AKAP7: variants seen among roughly 807,000 people sequenced by gnomAD.
AKAP7 encodes the protein A kinase (PRKA) anchor protein 7.
In AKAP7, 39 loss-of-function variants were observed where a neutral mutation model predicts 39.5. The observed-to-expected ratio is 0.99, with a 90% CI of 0.76 to 1.29. AKAP7 has a LOEUF of 1.29. AKAP7 is among the 50% of genes most tolerant of loss of function. The pLI, the probability that AKAP7 is intolerant of heterozygous loss-of-function variation, is 0.00. For synonymous variants in AKAP7, 140 were observed against 139.1 expected, an observed-to-expected ratio of 1.01 and a Z score of -0.05; for missense variants, 414 against 407.7, an observed-to-expected ratio of 1.02 and a Z score of -0.13.
intron 6 of AKAP7, among the ~76,000 whole-genome samples, chr6:131,205,939 C>T (rs983390069): frequency 1.3e-5 from 2 of 152,044 alleles, no homozygotes; most frequent in Admixed American, 6.5e-5. Flanking sequence ...ATAGCTAGTC[C>T]GCTAACTTGT....
intron 3 of AKAP7, among the ~76,000 whole-genome samples, chr6:131,163,435 A>G (rs1299940552): frequency 6.6e-6 from 1 of 152,222 alleles, no homozygotes; most frequent in Non-Finnish European, 1.5e-5. Context: ...CATTTATAAC[A>G]TTGTTTCAAT....
chr6:131,220,057 G>A (rs1585116654), intron 7 of AKAP7, among the ~76,000 whole-genome samples: 1 of 152,198 alleles, frequency 6.6e-6, no homozygotes, highest in Middle Eastern at 3.4e-3. Flanking sequence ...ATGAAGTCTG[G>A]AAATATTGAT....
At chr6:131,226,896 AC>A (rs1810212652) in intron 7 of AKAP7, among the ~76,000 whole-genome samples, 1 of 152,218 alleles carries the variant, frequency 6.6e-6, no homozygotes, top group Non-Finnish European at 1.5e-5. Context: ...ATGTTACTGA[AC>A]ATGTACGATG....
At chr6:131,191,383 T>C (rs1462534876) in intron 5 of AKAP7, among the ~76,000 whole-genome samples, 1 of 152,218 alleles carries the variant, frequency 6.6e-6, no homozygotes, top group Non-Finnish European at 1.5e-5. Context: ...ATATGAACTC[T>C]AAGTTGATAA....
chr6:131,263,989 C>T (rs1227770337), intron 7 of AKAP7, among the ~76,000 whole-genome samples: 1 of 152,056 alleles, frequency 6.6e-6, no homozygotes, highest in Non-Finnish European at 1.5e-5. Flanking sequence ...ATCTGTTTTT[C>T]CCCCCATTCT....
chr6:131,206,837 A>T (rs1177201689), intron 6 of AKAP7, among the ~76,000 whole-genome samples: 1 of 151,942 alleles, frequency 6.6e-6, no homozygotes, highest in Non-Finnish European at 1.5e-5. Context: ...GATTTTGTTA[A>T]CTGGGCCTGG....
chr6:131,207,532 G>A (rs1808245013), intron 6 of AKAP7, among the ~76,000 whole-genome samples: 1 of 81,772 alleles, frequency 1.2e-5, no homozygotes, highest in Non-Finnish European at 2.8e-5. Flanking sequence ...ATGGGGTGTT[G>A]CTATGTTGCC....
At chr6:131,125,944 T>C in the AKAP7 span, among the ~76,000 whole-genome samples, 1 of 152,218 alleles carries the variant, frequency 6.6e-6, no homozygotes, top group Non-Finnish European at 1.5e-5. Flanking sequence ...AGTCTTTCAT[T>C]TCCATGATCT....
At chr6:131,157,105 C>A (rs1436536014) in intron 2 of AKAP7, among the ~76,000 whole-genome samples, 1 of 152,194 alleles carries the variant, frequency 6.6e-6, no homozygotes, top group Non-Finnish European at 1.5e-5. Context: ...TTAGCAGATA[C>A]AGATTTATCT....
At chr6:131,250,792 A>G (rs992088626) in intron 7 of AKAP7, among the ~76,000 whole-genome samples, 1 of 150,090 alleles carries the variant, frequency 6.7e-6, no homozygotes, top group African/African-American at 2.4e-5. Context: ...TTAACTGTAA[A>G]AGTACTGCAA....
chr6:131,183,368 G>T (rs943981590), intron 5 of AKAP7, among the ~76,000 whole-genome samples: 4 of 152,170 alleles, frequency 2.6e-5, no homozygotes, highest in African/African-American at 4.8e-5. Context: ...CATGAGCTGA[G>T]AGCCAGGATA....
At chr6:131,247,031 A>G (rs1221729805) in intron 7 of AKAP7, among the ~76,000 whole-genome samples, 1 of 152,054 alleles carries the variant, frequency 6.6e-6, no homozygotes, top group African/African-American at 2.4e-5. Flanking sequence ...AAATGGGGAT[A>G]GTAATACCAC....
chr6:131,177,959 G>T (rs141520299), intron 5 of AKAP7, among the ~76,000 whole-genome samples: 1 of 152,262 alleles, frequency 6.6e-6, no homozygotes, highest in Non-Finnish European at 1.5e-5. Flanking sequence ...GGACCCAGAG[G>T]TATCATCCAC....
At chr6:131,138,010 C>T (rs530710592) in intron 1 of AKAP7, among the ~76,000 whole-genome samples, 6 of 152,188 alleles carry the variant, frequency 3.9e-5, no homozygotes, top group East Asian at 1.9e-4. Flanking sequence ...AGTCATTGTT[C>T]GTAGTTGTCA....
chr6:131,184,935 C>T (rs1460777696), intron 5 of AKAP7: 2 of 821,572 alleles, frequency 2.4e-6, no homozygotes, highest in Non-Finnish European at 4.4e-6. Flanking sequence ...CACACCTTTA[C>T]CCTTGGATTA....
intron 7 of AKAP7, among the ~76,000 whole-genome samples, chr6:131,242,955 T>C (rs1054401898): frequency 6.6e-6 from 1 of 152,152 alleles, no homozygotes. Context: ...GAAACGCTGG[T>C]AGGGCCCAAT....
intron 1 of AKAP7, among the ~76,000 whole-genome samples, chr6:131,135,996 A>G (rs1467620872): frequency 6.6e-6 from 1 of 152,002 alleles, no homozygotes; most frequent in Admixed American, 6.5e-5. Context: ...TAATGCACGC[A>G]TTGTGGGTCC....
At chr6:131,203,250 T>C (rs1807781613) in intron 6 of AKAP7, among the ~76,000 whole-genome samples, 1 of 152,218 alleles carries the variant, frequency 6.6e-6, no homozygotes, top group Non-Finnish European at 1.5e-5. Context: ...AGTCTCAGTC[T>C]TAACGTTTTT....
intron 3 of AKAP7, among the ~76,000 whole-genome samples, chr6:131,160,997 T>C (rs1802888626): frequency 1.8e-4 from 1 of 5,646 alleles, no homozygotes; most frequent in African/African-American, 1.4e-3. Context: ...TTTGGCCCAA[T>C]TACGAGCCAG....
Sources: gnomAD v4.1 joint callset for allele counts (sites outside exome capture counted in the v4.1 genomes callset) on GRCh38, gnomAD v4.1.1 for gene constraint, MANE v1.5 for transcripts, NCBI Gene and HGNC (gene_info 2026-07-23, HGNC 2026-07-21) for gene names.